SAMD12: variants seen among roughly 807,000 people sequenced by gnomAD.
SAMD12 encodes sterile alpha motif domain containing 12.
Under a neutral mutation model 15.0 loss-of-function variants are expected in SAMD12, and 9 were observed. The observed-to-expected ratio is 0.60, with a 90% CI of 0.36 to 1.05. The LOEUF is 1.05. Among genes scored for constraint, SAMD12 ranks in the 50% least tolerant of loss-of-function variants. The pLI, the probability that SAMD12 is intolerant of heterozygous loss-of-function variation, is 0.01. For missense variants in SAMD12, 230 were observed against 234.2 expected, an observed-to-expected ratio of 0.98 and a Z score of 0.12; for synonymous variants, 86 against 90.1, an observed-to-expected ratio of 0.96 and a Z score of 0.25.
intron 3 of SAMD12, among the ~76,000 whole-genome samples, chr8:118,391,470 GTGTCTATTAACAAGC>G (rs1355207780): frequency 4.6e-5 from 7 of 152,166 alleles, no homozygotes; most frequent in Non-Finnish European, 8.8e-5. Context: ...GAAGCATTAA[GTGTCTATTAACAAGC>G]ATCTTCTTGC....
chr8:118,163,513 C>G, the SAMD12 span, among the ~76,000 whole-genome samples: 41,487 of 152,070 alleles, frequency 0.27, 5,741 homozygotes, highest in Admixed American at 0.31. Context: ...ATTAGAACCA[C>G]CTGGGGGAGC....
At chr8:118,304,884 C>T (rs1172014946) in intron 4 of SAMD12, among the ~76,000 whole-genome samples, 1 of 151,552 alleles carries the variant, frequency 6.6e-6, no homozygotes, top group Admixed American at 6.6e-5. Flanking sequence ...TGCAGTGGCT[C>T]ATACCTGTAA....
At chr8:118,261,371 A>G (rs900649528) in intron 4 of SAMD12, among the ~76,000 whole-genome samples, 6 of 152,096 alleles carry the variant, frequency 3.9e-5, no homozygotes, top group Admixed American at 3.9e-4. Flanking sequence ...TGTCCTAACC[A>G]AGCCCCAGTC....
chr8:118,219,415 A>C (rs1812035023), intron 4 of SAMD12, among the ~76,000 whole-genome samples: 1 of 152,236 alleles, frequency 6.6e-6, no homozygotes, highest in Non-Finnish European at 1.5e-5. Context: ...TAGGTTATAA[A>C]TCTAAAGTAC....
intron 1 of SAMD12, among the ~76,000 whole-genome samples, chr8:118,604,246 G>A (rs1235215296): frequency 1.3e-5 from 2 of 152,038 alleles, no homozygotes; most frequent in African/African-American, 2.4e-5. Flanking sequence ...ACAATACTTG[G>A]TATACAAGTA....
chr8:118,481,211 T>A (rs1824117698), intron 2 of SAMD12, among the ~76,000 whole-genome samples: 1 of 152,118 alleles, frequency 6.6e-6, no homozygotes, highest in Non-Finnish European at 1.5e-5. Context: ...TGCCTTAGCC[T>A]CCCAAAGTGC....
intron 4 of SAMD12, among the ~76,000 whole-genome samples, chr8:118,251,044 A>C (rs1812808202): frequency 6.6e-6 from 1 of 152,116 alleles, no homozygotes; most frequent in South Asian, 2.1e-4. Flanking sequence ...TAACTTGCCC[A>C]AGGTTGCACA....
chr8:118,206,789 G>A (rs1819873370), intron 4 of SAMD12, among the ~76,000 whole-genome samples: 1 of 152,222 alleles, frequency 6.6e-6, no homozygotes, highest in Non-Finnish European at 1.5e-5. Context: ...ATAGCCCTGT[G>A]ACTTTGAATT....
chr8:118,508,327 ATATG>A (rs1824981454), intron 2 of SAMD12, among the ~76,000 whole-genome samples: 1 of 152,180 alleles, frequency 6.6e-6, no homozygotes, highest in Non-Finnish European at 1.5e-5. Flanking sequence ...ACATGTATAC[ATATG>A]TAACACAACT....
chr8:118,282,914 T>A lies in SAMD12; in HGVS notation c.434-85182A>T, dbSNP rs115924429. 6.5e-3 allele frequency among the ~76,000 whole-genome samples: 987 copies of A among 152,224 alleles called. 12 individuals are homozygous for A. The highest frequency in any genetic ancestry group is 0.023 in the African/African-American group (937 of 41,568). On this transcript the variant is annotated intron_variant, in intron 4 of 4. Coordinates refer to the SAMD12 transcript ENST00000409003. Reference sequence around the variant, plus strand: ...TTTATATTTTATTTTATTCCTTTAATTATATCATTTAAACCCAAATTAGAC... The same window carrying A: ...TTTATATTTTATTTTATTCCTTTAAATATATCATTTAAACCCAAATTAGAC...
chr8:118,321,880 T>C lies in SAMD12; in HGVS notation c.433+57680A>G, dbSNP rs540891025. Among the ~76,000 whole-genome samples the C allele has an allele frequency of 9.3e-4, 142 of 152,302 alleles. 1 individual carries two copies. The highest frequency in any genetic ancestry group is 3.2e-3 in the African/African-American group (131 of 41,566). On this transcript the variant is annotated intron_variant, in intron 4 of 4. Transcript: ENST00000409003. Reference sequence around the variant, plus strand: ...CACAGGTAATTGTAAGGTTTAAATATAAATACTTTAGTTGTTATTAACTTG... The same window carrying C: ...CACAGGTAATTGTAAGGTTTAAATACAAATACTTTAGTTGTTATTAACTTG...
chr8:118,337,175 A>G (rs1817123239), intron 4 of SAMD12, among the ~76,000 whole-genome samples: 1 of 152,192 alleles, frequency 6.6e-6, no homozygotes, highest in Non-Finnish European at 1.5e-5. Flanking sequence ...AAAAGAAAAA[A>G]AAAGGAAGAG....
Position 118,379,046 on chromosome 8 carries a change from T to A in SAMD12, c.*371A>T. The A allele has an allele frequency of 9.7e-7, 1 of 1,035,248 alleles. No individual in the cohort carries two copies. Among genetic ancestry groups the A allele is most frequent in the Non-Finnish European group, 1.2e-6 (1 of 857,862 alleles). 64.1% of individuals were successfully genotyped at this position (1,035,248 alleles called of 1,614,324 possible). On this transcript the variant is annotated 3_prime_UTR_variant, in exon 4 of 4. Transcript: ENST00000314727. ...ATACATTCATGTATAGTAATACATATCTAAAATGTTTTTCTCCCACTAACC... is the reference window on the plus strand; with the variant it reads ...ATACATTCATGTATAGTAATACATAACTAAAATGTTTTTCTCCCACTAACC...
At chr8:118,564,457 TG>T (rs1826794131) in intron 2 of SAMD12, among the ~76,000 whole-genome samples, 1 of 152,198 alleles carries the variant, frequency 6.6e-6, no homozygotes, top group African/African-American at 2.4e-5. Context: ...AAACAATTGC[TG>T]GGACCCAGGA....
At chr8:118,549,922 G>A (rs1300565042) in intron 2 of SAMD12, among the ~76,000 whole-genome samples, 2 of 152,258 alleles carry the variant, frequency 1.3e-5, no homozygotes, top group African/African-American at 2.4e-5. Flanking sequence ...GGAAAAAAGG[G>A]TATCAGCAAT....
chr8:118,249,868 G>T (rs1445526862), intron 4 of SAMD12, among the ~76,000 whole-genome samples: 1 of 152,150 alleles, frequency 6.6e-6, no homozygotes, highest in Non-Finnish European at 1.5e-5. Context: ...ATAGGTGGAT[G>T]TTCCTGGAGA....
chr8:118,555,419 C>T (rs917040507), intron 2 of SAMD12, among the ~76,000 whole-genome samples: 66 of 152,190 alleles, frequency 4.3e-4, no homozygotes, highest in African/African-American at 1.6e-3. Context: ...CCTAAAACAA[C>T]AGTACTCCTC....
intron 2 of SAMD12, among the ~76,000 whole-genome samples, chr8:118,441,243 T>C (rs936177125): frequency 2.0e-5 from 3 of 152,342 alleles, no homozygotes. Flanking sequence ...CTTTATTTTA[T>C]GGCAAATAAT....
At chr8:118,620,284 C>T (rs978425025) in intron 1 of SAMD12, among the ~76,000 whole-genome samples, 4 of 150,080 alleles carry the variant, frequency 2.7e-5, no homozygotes, top group East Asian at 2.0e-4. Flanking sequence ...TGACATAGAA[C>T]GGACACTTAA....
Sources: allele counts gnomAD v4.1 joint callset (sites outside exome capture counted in the v4.1 genomes callset), GRCh38; gene constraint gnomAD v4.1.1; transcripts MANE v1.5; gene names NCBI Gene and HGNC (gene_info 2026-07-23, HGNC 2026-07-21).